Variants in OAS3 observed in about 807,000 individuals in gnomAD.
OAS3 encodes 2'-5'-oligoadenylate synthase 3.
OAS3 carries 107 observed loss-of-function variants against 113.0 expected under a neutral mutation model. That is an observed-to-expected ratio of 0.95 (90% CI 0.81 to 1.11). OAS3 has a LOEUF of 1.11. OAS3 is among the 50% of genes most tolerant of loss of function. OAS3 has a pLI of 0.00. For synonymous variants in OAS3, 552 were observed against 573.6 expected (o/e 0.96, Z 0.54); for missense variants, 1,258 against 1,389.1 (o/e 0.91, Z 1.50).
intron 1 of OAS3, among the ~76,000 whole-genome samples, chr12:112,939,532 G>C (rs1208961865): frequency 1.3e-5 from 2 of 152,048 alleles, no homozygotes; most frequent in African/African-American, 4.8e-5. Context: ...TGTTGCCCAG[G>C]CTGGCCTGGA....
Position 112,946,949 on chromosome 12 carries a change from G to A in OAS3, c.843G>A (p.Gly281=), listed in dbSNP as rs765307240. 6 of 1,613,894 alleles carry A rather than the reference G, an allele frequency of 3.7e-6. No individual in the cohort carries two copies. The South Asian group carries it at 6.6e-5, about 18-fold the overall frequency. ...ATGGCTTCGAGGACCCTGCAGTTGGGCAGTTCTTGCAGCGGCAGCTTAAGA... is the reference window on the plus strand; with the variant it reads ...ATGGCTTCGAGGACCCTGCAGTTGGACAGTTCTTGCAGCGGCAGCTTAAGA... The part of the protein sequence containing the change: ...VNYGFEDPAV[G]QFLQRQLKRP... The change falls in exon 4 of 16, where the codon GGG becomes GGA. Residue 281 remains glycine, a synonymous_variant. Transcript: ENST00000228928.
Position 112,963,016 on chromosome 12 carries a change from C to CTT in OAS3, c.2084+114_2084+115insTT. 7.1e-7 allele frequency: 1 copy of CTT among 1,404,870 alleles called. No individual in the cohort carries two copies. Among genetic ancestry groups the CTT allele is most frequent in the Non-Finnish European group, 9.8e-7 (1 of 1,023,036 alleles). The allele number at this position is 1,404,870 out of a possible 1,614,324, so 87.0% of individuals were successfully genotyped here. A position where few individuals can be genotyped will look rare whatever the true frequency, so the allele number is the denominator to read the frequency against. ...TAGGGTTTGGGGTGGCAATCCCACT[C>CTT]CTCACTCTGCTTCCCTCTGGACTCT... On this transcript the variant is annotated intron_variant, in intron 9 of 15. Transcript: ENST00000228928. The surrounding 1 kb of genome is among the most constrained non-coding windows in gnomAD (Gnocchi z 4.6).
chr12:112,950,543 C>T, intron 6 of OAS3, 150 bp from the exon 7 acceptor site: 1 of 830,096 alleles, frequency 1.2e-6, no homozygotes, highest in Non-Finnish European at 1.9e-6. Context: ...GGTCACAGGA[C>T]CCATGCAGTC....
rs776999029 is a variant in OAS3, at chr12:112,967,459, GT to G, written c.2732del (p.Val911AlafsTer32). 8 of 1,613,494 alleles carry G rather than the reference GT, an allele frequency of 5.0e-6. No homozygotes were observed. In the South Asian group the frequency reaches 8.8e-5, roughly 18 times the overall value. On this transcript the variant is annotated frameshift_variant, in exon 13 of 16. Coordinates refer to ENST00000228928, the MANE Select transcript of OAS3 (RefSeq NM_006187.4). LOFTEE classifies it high-confidence loss of function. The stretch of plus-strand genomic sequence containing the variant: ...CTCCAGGCCCAGCTCTCAAGTCTAC[GT>G]CGACCTCATCCACAGCTACAGCAAT... ...SGSRPSSQVY[V>X]DLIHSYSNAG...
intron 14 of OAS3, among the ~76,000 whole-genome samples, chr12:112,968,828 T>C (rs1166999178): frequency 3.3e-5 from 5 of 152,236 alleles, no homozygotes; most frequent in Non-Finnish European, 7.3e-5. Context: ...TATTTGTATT[T>C]GTTAAATCTG....
intron 12 of OAS3, 102 bp downstream of exon 12, chr12:112,966,131 C>A: frequency 1.7e-6 from 2 of 1,167,716 alleles, no homozygotes; most frequent in Non-Finnish European, 1.2e-6. Flanking sequence ...CACATCTGTT[C>A]GCATCATTGC....
chr12:112,943,401 T>A (rs1292017282), intron 2 of OAS3, among the ~76,000 whole-genome samples: 3 of 152,182 alleles, frequency 2.0e-5, no homozygotes, highest in African/African-American at 7.2e-5. Context: ...AGACATACAG[T>A]GACCCACCCA....
At chr12:112,965,144 A>C (rs1425767556) in intron 11 of OAS3, among the ~76,000 whole-genome samples, 1 of 152,246 alleles carries the variant, frequency 6.6e-6, no homozygotes, top group Non-Finnish European at 1.5e-5. Flanking sequence ...GACCCAGATC[A>C]GCTCAGAAAG....
At chr12:112,950,414 C>A (rs774561910) in intron 6 of OAS3, among the ~76,000 whole-genome samples, 4 of 152,198 alleles carry the variant, frequency 2.6e-5, no homozygotes, top group Non-Finnish European at 4.4e-5. Flanking sequence ...GGTCGCTGCC[C>A]CTACTTAATC....
intron 4 of OAS3, 65 bp from the exon 5 acceptor site, chr12:112,947,881 C>A: frequency 7.1e-7 from 1 of 1,409,526 alleles, no homozygotes; most frequent in Non-Finnish European, 9.5e-7. Context: ...GCGATTGGAA[C>A]CAGGTCCGTT....
rs978635965 is a variant in OAS3 at position 112,965,838 on chromosome 12, G to A, written c.2498G>A (p.Gly833Asp). ...LSCFSQFTEQGNKRAEIISEI... is the reference protein window; with the variant it reads ...LSCFSQFTEQDNKRAEIISEI... Reference sequence around the variant, plus strand: ...TGCTTCAGCCAGTTCACTGAGCAGGGCAACAAGCGGGCCGAGATCATCTCC... The same window carrying A: ...TGCTTCAGCCAGTTCACTGAGCAGGACAACAAGCGGGCCGAGATCATCTCC... Residue 833 changes from glycine (G) to aspartate (D), a missense_variant, in exon 12 of 16, where the codon GGC (glycine) becomes GAC (aspartate). Coordinates refer to ENST00000228928, the MANE Select transcript of OAS3 (RefSeq NM_006187.4). 50 of 1,613,834 alleles carry A rather than the reference G, an allele frequency of 3.1e-5. No individual in the cohort carries two copies. Among genetic ancestry groups the A allele is most frequent in the Non-Finnish European group, 4.2e-5 (50 of 1,179,846 alleles).
In OAS3 at chr12:112,969,709, GCT is replaced by G. The variant is rs2043967242; in HGVS notation, c.3207_3208del (p.Cys1069TrpfsTer73). 6.2e-7 allele frequency: 1 copy of G among 1,613,202 alleles called. No homozygotes were observed. Among genetic ancestry groups the G allele is most frequent in the African/African-American group, 1.3e-5 (1 of 74,930 alleles). Reference sequence around the variant, plus strand: ...GCTGCAGCCTGCACATCTGCCCTGTGCTGCATGGGACGGAATGGCATCCCCAT... The same window carrying G: ...GCTGCAGCCTGCACATCTGCCCTGTGGCATGGGACGGAATGGCATCCCCAT... On this transcript the variant is annotated frameshift_variant, in exon 15 of 16. Transcript: ENST00000228928. LOFTEE classifies it low-confidence loss of function (END_TRUNC).
Position 112,963,069 on chromosome 12 carries a change from T to C in OAS3, c.2084+167T>C, listed in dbSNP as rs2043903100. 6.6e-6 allele frequency among the ~76,000 whole-genome samples: 1 copy of C among 151,932 alleles called. No homozygotes were observed. The highest frequency in any genetic ancestry group is 2.4e-5 in the African/African-American group (1 of 41,342). The stretch of plus-strand genomic sequence containing the variant: ...GCTGAGGAAGTGTGGACATAAGGAG[T>C]CCCAAAAGAAACCAGGGCCAGTTTT... On this transcript the variant is annotated intron_variant, in intron 9 of 15. Transcript: ENST00000228928. The surrounding 1 kb of genome is among the most constrained non-coding windows in gnomAD (Gnocchi z 4.6).
intron 15 of OAS3, 63 bp downstream of exon 15, chr12:112,969,818 G>A: frequency 6.3e-7 from 1 of 1,599,052 alleles, no homozygotes; most frequent in Non-Finnish European, 8.5e-7. Flanking sequence ...ATGGTCAGGG[G>A]AGGGACATGA....
intron 12 of OAS3, among the ~76,000 whole-genome samples, chr12:112,967,116 A>C (rs2043940839): frequency 6.6e-6 from 1 of 152,220 alleles, no homozygotes; most frequent in Non-Finnish European, 1.5e-5. Context: ...TTAGACAGAA[A>C]GATAAGTAAG....
chr12:112,967,380 G>A (rs924891161), intron 12 of OAS3, 38 bp from the exon 13 acceptor site: 1 of 1,576,522 alleles, frequency 6.3e-7, no homozygotes, highest in African/African-American at 1.3e-5. Context: ...GGGACAACAT[G>A]GGAGCCGGAG....
intron 12 of OAS3, 39 bp from the exon 13 acceptor site, chr12:112,967,379 T>C: frequency 2.5e-6 from 4 of 1,575,846 alleles, no homozygotes; most frequent in Non-Finnish European, 3.5e-6. Flanking sequence ...TGGGACAACA[T>C]GGGAGCCGGA....
At chr12:112,950,475 A>T in intron 6 of OAS3, 1 of 593,214 alleles carries the variant, frequency 1.7e-6, no homozygotes, top group Non-Finnish European at 3.0e-6. Context: ...CTCAGTCTTC[A>T]TGGATCAGAG....
intron 8 of OAS3, among the ~76,000 whole-genome samples, chr12:112,961,472 G>A (rs2043885247): frequency 6.6e-6 from 1 of 152,176 alleles, no homozygotes; most frequent in Non-Finnish European, 1.5e-5. Flanking sequence ...TCTTGTACCT[G>A]GGGTTCACTT....
Sources: allele counts gnomAD v4.1 joint callset (sites outside exome capture counted in the v4.1 genomes callset), GRCh38; gene constraint gnomAD v4.1.1; non-coding constraint Gnocchi (gnomAD v3.1); transcripts MANE v1.5; gene names NCBI Gene and HGNC (gene_info 2026-07-23, HGNC 2026-07-21).